The following TSHR variants were observed in gnomAD, a reference collection of about 807,000 sequenced individuals.
The protein encoded by TSHR is thyroid stimulating hormone receptor.
In TSHR, 51 loss-of-function variants were observed where a neutral mutation model predicts 64.1. That is an observed-to-expected ratio of 0.80 (90% CI 0.64 to 1.01). The LOEUF (loss-of-function observed/expected upper bound fraction) is 1.01. TSHR is among the 50% of genes least tolerant of loss of function. TSHR has a pLI of 0.00. For synonymous variants in TSHR, 361 were observed against 361.9 expected, an observed-to-expected ratio of 1.00 and a Z score of 0.03; for missense variants, 877 against 942.8, an observed-to-expected ratio of 0.93 and a Z score of 0.91.
intron 4 of TSHR, among the ~76,000 whole-genome samples, chr14:81,089,810 T>C (rs2139975716): frequency 6.6e-6 from 1 of 152,344 alleles, no homozygotes; most frequent in East Asian, 1.9e-4. Flanking sequence ...GTATTTCAAA[T>C]ATACCTTATG....
At chr14:81,036,283 G>A (rs1594981767) in intron 1 of TSHR, among the ~76,000 whole-genome samples, 1 of 152,270 alleles carries the variant, frequency 6.6e-6, no homozygotes, top group Non-Finnish European at 1.5e-5. Flanking sequence ...TCTCTCCAAA[G>A]CACATTTTAA....
intron 3 of TSHR, among the ~76,000 whole-genome samples, chr14:81,079,994 C>A (rs564649656): frequency 2.6e-5 from 4 of 151,996 alleles, no homozygotes; most frequent in Admixed American, 2.0e-4. Flanking sequence ...GCTCTGTCGC[C>A]CAGGCTGGAG....
intron 7 of TSHR, chr14:81,104,549 T>G: frequency 1.0e-6 from 1 of 985,360 alleles, no homozygotes. Flanking sequence ...TTTCTAGGAG[T>G]CACCCAACAA....
chr14:81,114,387 G>A, intron 8 of TSHR, among the ~76,000 whole-genome samples: 1 of 152,236 alleles, frequency 6.6e-6, no homozygotes, highest in East Asian at 1.9e-4. Flanking sequence ...CGGTCAGGGA[G>A]TTCCCTTTCC....
chr14:80,969,166 G>A (rs892625820), intron 1 of TSHR, among the ~76,000 whole-genome samples: 5 of 152,144 alleles, frequency 3.3e-5, no homozygotes, highest in Non-Finnish European at 5.9e-5. Flanking sequence ...GCAGGGCTTT[G>A]TCCCCAAGAT....
intron 1 of TSHR, among the ~76,000 whole-genome samples, chr14:81,035,866 C>CA (rs967107560): frequency 6.0e-5 from 8 of 134,236 alleles, no homozygotes; most frequent in Middle Eastern, 3.8e-3. Context: ...GTGGTAGTGT[C>CA]AAAAAAAATA....
At chr14:81,109,039 A>T in intron 8 of TSHR, 1 of 1,159,610 alleles carries the variant, frequency 8.6e-7, no homozygotes, top group Non-Finnish European at 1.1e-6. Flanking sequence ...CCTCTGTATC[A>T]TTGCCACCTT....
chr14:81,050,575 C>T (rs1252590520), intron 1 of TSHR: 1 of 152,154 alleles, frequency 6.6e-6, no homozygotes, highest in Non-Finnish European at 1.5e-5. Context: ...ATGTTCCTAA[C>T]ATTGTTATAA....
At chr14:81,100,832 C>A (rs1889533328) in intron 7 of TSHR, among the ~76,000 whole-genome samples, 1 of 152,190 alleles carries the variant, frequency 6.6e-6, no homozygotes, top group African/African-American at 2.4e-5. Flanking sequence ...GCCTTGACCA[C>A]CTTCCAGCTA....
chr14:81,006,167 C>A (rs1344559159), intron 1 of TSHR, among the ~76,000 whole-genome samples: 2 of 152,140 alleles, frequency 1.3e-5, no homozygotes, highest in Non-Finnish European at 2.9e-5. Context: ...GAAGATGGTC[C>A]AGGTAGTTCC....
intron 1 of TSHR, among the ~76,000 whole-genome samples, chr14:81,003,902 G>A (rs969867027): frequency 3.9e-5 from 6 of 151,950 alleles, no homozygotes; most frequent in Admixed American, 6.5e-5. Flanking sequence ...ACTAAATCCC[G>A]CCAATTTGTT....
intron 8 of TSHR, among the ~76,000 whole-genome samples, chr14:81,118,214 T>G (rs1401993363): frequency 8.3e-5 from 8 of 96,614 alleles, no homozygotes; most frequent in Non-Finnish European, 1.2e-4. Flanking sequence ...GGTATTCAAT[T>G]AGGAAAAGAG....
At chr14:81,073,493 A>G (rs1479815513) in intron 3 of TSHR, among the ~76,000 whole-genome samples, 2 of 152,192 alleles carry the variant, frequency 1.3e-5, no homozygotes, top group African/African-American at 4.8e-5. Flanking sequence ...GCAAGTCTCA[A>G]TAGATTACCA....
At chr14:81,134,629 G>C (rs571417883) in intron 8 of TSHR, among the ~76,000 whole-genome samples, 1 of 152,254 alleles carries the variant, frequency 6.6e-6, no homozygotes, top group African/African-American at 2.4e-5. Flanking sequence ...TAGAAGAGAT[G>C]GAAGATGCAC....
At chr14:81,038,312 A>C (rs1327088285) in intron 1 of TSHR, among the ~76,000 whole-genome samples, 1 of 151,972 alleles carries the variant, frequency 6.6e-6, no homozygotes, top group Non-Finnish European at 1.5e-5. Flanking sequence ...AACACACCTC[A>C]ATCTATGGGA....
Position 81,085,522 on chromosome 14 carries a change from C to G in TSHR, c.318-2432C>G, listed in dbSNP as rs116833749. Reference sequence around the variant, plus strand: ...GTTTCCTTCTCTCTCCTTGCTGCCTCTCCCACATTTCTCCTCTTCCAGCCT... The same window carrying G: ...GTTTCCTTCTCTCTCCTTGCTGCCTGTCCCACATTTCTCCTCTTCCAGCCT... On this transcript the variant is annotated intron_variant, in intron 3 of 9. Transcript: ENST00000298171. 4.8e-3 allele frequency among the ~76,000 whole-genome samples: 729 copies of G among 152,264 alleles called. 8 individuals are homozygous for G. The highest frequency in any genetic ancestry group is 0.017 in the African/African-American group (700 of 41,548).
intron 7 of TSHR, among the ~76,000 whole-genome samples, chr14:81,101,153 G>A (rs189249090): frequency 1.1e-3 from 168 of 152,256 alleles, no homozygotes; most frequent in Admixed American, 4.0e-3. Context: ...AAACAGATAA[G>A]ACCAAATACA....
At chr14:81,009,818 G>T (rs909883834) in intron 1 of TSHR, among the ~76,000 whole-genome samples, 10 of 152,046 alleles carry the variant, frequency 6.6e-5, no homozygotes, top group African/African-American at 2.4e-4. Context: ...GTTGAGTCTT[G>T]CAAAGGTTGC....
intron 8 of TSHR, among the ~76,000 whole-genome samples, chr14:81,116,032 G>A (rs374197479): frequency 8.6e-5 from 13 of 152,028 alleles, no homozygotes; most frequent in South Asian, 4.2e-4. Context: ...TGAAGGAAGC[G>A]CTAAACATGG....
Sources: allele counts gnomAD v4.1 joint callset (sites outside exome capture counted in the v4.1 genomes callset), GRCh38; gene constraint gnomAD v4.1.1; transcripts MANE v1.5; gene names NCBI Gene and HGNC (gene_info 2026-07-23, HGNC 2026-07-21).